CADM2: variants seen among roughly 807,000 people sequenced by gnomAD.
CADM2 encodes the protein cell adhesion molecule 2.
In CADM2, 12 loss-of-function variants were observed where a neutral mutation model predicts 49.8. The ratio of observed to expected loss-of-function variants is 0.24; its 90% CI spans 0.15 to 0.39. CADM2 has a LOEUF of 0.39. Ranked by LOEUF, CADM2 falls within the 10% of genes least tolerant of loss-of-function variation. The probability of loss-of-function intolerance (pLI) is 1.00; values close to 1 mark genes in which losing one functional copy is unlikely to be tolerated. For missense variants in CADM2, 378 were observed against 492.3 expected (o/e 0.77, Z 2.20); for synonymous variants, 214 against 175.4 (o/e 1.22, Z -1.74).
chr3:85,301,331 A>G (rs566159671), intron 1 of CADM2, among the ~76,000 whole-genome samples: 65 of 152,170 alleles, frequency 4.3e-4, no homozygotes, highest in Middle Eastern at 3.4e-3. Flanking sequence ...CAGCTGCTAA[A>G]ATGGAATAGT....
intron 1 of CADM2, among the ~76,000 whole-genome samples, chr3:85,509,510 G>C (rs527521444): frequency 2.0e-5 from 3 of 152,150 alleles, no homozygotes; most frequent in South Asian, 4.1e-4. Context: ...ACAATTAAAT[G>C]ACATGTTTAA....
At chr3:85,847,640 A>G (rs1350990059) in intron 3 of CADM2, among the ~76,000 whole-genome samples, 3 of 152,192 alleles carry the variant, frequency 2.0e-5, no homozygotes, top group African/African-American at 7.2e-5. Context: ...CTATTAGCAC[A>G]CTAGAAGCTG....
At chr3:85,169,772 T>G (rs940370720) in intron 1 of CADM2, among the ~76,000 whole-genome samples, 1 of 152,132 alleles carries the variant, frequency 6.6e-6, no homozygotes. Context: ...TGCCTCAGTA[T>G]TCATATTTTT....
At chr3:85,589,334 G>A (rs2063038173) in intron 1 of CADM2, among the ~76,000 whole-genome samples, 1 of 152,026 alleles carries the variant, frequency 6.6e-6, no homozygotes, top group African/African-American at 2.4e-5. Context: ...AGGCACAATA[G>A]CATTGGGTTG....
intron 1 of CADM2, among the ~76,000 whole-genome samples, chr3:85,089,492 A>C (rs777682292): frequency 1.3e-5 from 2 of 152,190 alleles, no homozygotes; most frequent in Non-Finnish European, 2.9e-5. Flanking sequence ...TTAGCAGTTT[A>C]GTCCAAAATC....
intron 1 of CADM2, among the ~76,000 whole-genome samples, chr3:85,476,240 ATCT>A (rs2038969733): frequency 6.6e-6 from 1 of 151,888 alleles, no homozygotes; most frequent in Non-Finnish European, 1.5e-5. Flanking sequence ...ATAAAAAGAG[ATCT>A]TCTTCATACA....
intron 1 of CADM2, among the ~76,000 whole-genome samples, chr3:85,423,040 A>T (rs2036246027): frequency 6.6e-6 from 1 of 152,036 alleles, no homozygotes; most frequent in Non-Finnish European, 1.5e-5. Context: ...CAGGGATTTT[A>T]TTGAGAGATG....
At chr3:85,190,013 C>T (rs2041170644) in intron 1 of CADM2, among the ~76,000 whole-genome samples, 1 of 139,926 alleles carries the variant, frequency 7.1e-6, no homozygotes, top group Non-Finnish European at 1.5e-5. Context: ...TGTTTTCCCT[C>T]AGGAGCAACA....
At chr3:85,230,315 G>A (rs889494465) in intron 1 of CADM2, among the ~76,000 whole-genome samples, 20 of 152,266 alleles carry the variant, frequency 1.3e-4, no homozygotes, top group African/African-American at 4.6e-4. Context: ...AATACAAAAT[G>A]TATTATATAG....
intron 1 of CADM2, among the ~76,000 whole-genome samples, chr3:85,079,057 C>A (rs913815903): frequency 6.6e-6 from 1 of 151,654 alleles, no homozygotes; most frequent in Non-Finnish European, 1.5e-5. Context: ...AAAGTAAATG[C>A]AAATGGGCTT....
At chr3:85,208,862 AC>A (rs2041711746) in intron 1 of CADM2, among the ~76,000 whole-genome samples, 1 of 152,158 alleles carries the variant, frequency 6.6e-6, no homozygotes, top group Non-Finnish European at 1.5e-5. Flanking sequence ...CACGGGTGTC[AC>A]CTGATGTCAC....
At chr3:85,752,472 G>GCGCACA (rs1553680691) in intron 2 of CADM2, among the ~76,000 whole-genome samples, 2 of 147,902 alleles carry the variant, frequency 1.4e-5, no homozygotes, top group African/African-American at 5.0e-5. Context: ...ATGTGTGCGT[G>GCGCACA]CACACACACA....
At chr3:85,299,669 G>A (rs139425772) in intron 1 of CADM2, among the ~76,000 whole-genome samples, 1 of 152,028 alleles carries the variant, frequency 6.6e-6, no homozygotes, top group Non-Finnish European at 1.5e-5. Context: ...TTGGTCTGGG[G>A]TGTGGGATGT....
At chr3:85,402,920 G>T (rs2035187422) in intron 1 of CADM2, among the ~76,000 whole-genome samples, 1 of 152,010 alleles carries the variant, frequency 6.6e-6, no homozygotes, top group Non-Finnish European at 1.5e-5. Flanking sequence ...TGTTAATATA[G>T]ATATAGATAT....
Position 86,067,897 on chromosome 3 carries a change from C to T in CADM2, c.*1114C>T, listed in dbSNP as rs1739502829. The T allele has an allele frequency of 6.6e-6, 1 of 152,386 alleles. No individual in the cohort carries two copies. Among genetic ancestry groups the T allele is most frequent in the South Asian group, 2.1e-4 (1 of 4,832 alleles). 9.4% of individuals were successfully genotyped at this position (152,386 alleles called of 1,614,324 possible). On this transcript the variant is annotated 3_prime_UTR_variant, in exon 10 of 10. Transcript: ENST00000383699. Reference sequence around the variant, plus strand: ...ATTTTTATTTGTTATACAATGGAAGCACAATGTTATAAGGAAAGGTAATTT... The same window carrying T: ...ATTTTTATTTGTTATACAATGGAAGTACAATGTTATAAGGAAAGGTAATTT...
At chr3:85,849,621 C>T in intron 3 of CADM2, among the ~76,000 whole-genome samples, 1 of 152,134 alleles carries the variant, frequency 6.6e-6, no homozygotes, top group East Asian at 1.9e-4. Flanking sequence ...ATCTGCCTAG[C>T]TTATCATGAA....
At chr3:85,106,527 G>A (rs1462010687) in intron 1 of CADM2, among the ~76,000 whole-genome samples, 1 of 152,114 alleles carries the variant, frequency 6.6e-6, no homozygotes, top group African/African-American at 2.4e-5. Flanking sequence ...AATGAATATT[G>A]TGGCATATTA....
At chr3:85,950,304 C>T (rs947620033) in intron 7 of CADM2, among the ~76,000 whole-genome samples, 9 of 151,260 alleles carry the variant, frequency 6.0e-5, no homozygotes, top group Middle Eastern at 3.4e-3. Context: ...TGTTTTGCTT[C>T]AGCAGAAAGT....
chr3:85,699,591 T>G (rs1014743000), intron 1 of CADM2, among the ~76,000 whole-genome samples: 5 of 152,230 alleles, frequency 3.3e-5, no homozygotes, highest in Non-Finnish European at 7.3e-5. Context: ...GGCCTGAGCT[T>G]TACCTGGGCC....
Sources: gnomAD v4.1 joint callset for allele counts (sites outside exome capture counted in the v4.1 genomes callset) on GRCh38, gnomAD v4.1.1 for gene constraint, MANE v1.5 for transcripts, NCBI Gene and HGNC (gene_info 2026-07-23, HGNC 2026-07-21) for gene names.